The following IL1RAPL1 variants were observed in gnomAD, a reference collection of about 807,000 sequenced individuals.
The protein encoded by IL1RAPL1 is interleukin 1 receptor accessory protein like 1, also known as interleukin-1 receptor accessory protein-like 1.
IL1RAPL1 carries 3 observed loss-of-function variants against 48.4 expected under a neutral mutation model. The observed-to-expected ratio is 0.06, with a 90% confidence interval of 0.03 to 0.16. The LOEUF (loss-of-function observed/expected upper bound fraction) is 0.16. Ranked by LOEUF, IL1RAPL1 falls within the 10% of genes least tolerant of loss-of-function variation. IL1RAPL1 has a pLI of 1.00. For synonymous variants in IL1RAPL1, 185 were observed against 187.7 expected, an observed-to-expected ratio of 0.99 and a Z score of 0.12; for missense variants, 349 against 530.6, an observed-to-expected ratio of 0.66 and a Z score of 3.36.
intron 6 of IL1RAPL1, among the ~76,000 whole-genome samples, chrX:29,806,734 T>G (rs1930264804): frequency 9.0e-6 from 1 of 111,682 alleles, no homozygotes. Flanking sequence ...TATATATCTA[T>G]TAGCCATTTA....
chrX:29,702,613 A>G (rs1270005363), intron 6 of IL1RAPL1, among the ~76,000 whole-genome samples: 1 of 111,738 alleles, frequency 8.9e-6, no homozygotes, highest in Non-Finnish European at 1.9e-5. Context: ...TTGACTGACA[A>G]TTGAAATGTT....
At chrX:29,185,675 C>T (rs888106750) in intron 2 of IL1RAPL1, among the ~76,000 whole-genome samples, 5 of 111,817 alleles carry the variant, frequency 4.5e-5, no homozygotes, top group Non-Finnish European at 9.4e-5. Flanking sequence ...AATTAAACTA[C>T]AAACCTGGAT....
chrX:29,644,567 T>C (rs974509788), intron 5 of IL1RAPL1, among the ~76,000 whole-genome samples: 2 of 111,112 alleles, frequency 1.8e-5, no homozygotes, highest in African/African-American at 6.6e-5. Flanking sequence ...TGTTTTGTTT[T>C]CTTTTGTTTT....
chrX:29,766,425 A>G (rs758859034), intron 6 of IL1RAPL1, among the ~76,000 whole-genome samples: 11 of 94,861 alleles, frequency 1.2e-4, no homozygotes, highest in African/African-American at 4.4e-4. Context: ...ATATTTATAT[A>G]TCCAAATATA....
rs751196148 is a variant in IL1RAPL1 at position 29,154,700 on chromosome X, C to T, written c.83-128238C>T. On this transcript the variant is annotated intron_variant, in intron 2 of 10. Coordinates refer to ENST00000378993, the MANE Select transcript of IL1RAPL1 (RefSeq NM_014271.4). Reference sequence around the variant, plus strand: ...TATGTGATTGTAAAATGATTAAGCCCGATTTTTCAACCAAAGAGATTATGA... The same window carrying T: ...TATGTGATTGTAAAATGATTAAGCCTGATTTTTCAACCAAAGAGATTATGA... Among the ~76,000 whole-genome samples the T allele has an allele frequency of 7.2e-5, 8 of 111,243 alleles. No individual in the cohort carries two copies. In the South Asian group the frequency reaches 2.6e-3, roughly 37 times the overall value.
intron 6 of IL1RAPL1, among the ~76,000 whole-genome samples, chrX:29,673,048 G>GAAATT (rs988225870): frequency 8.1e-5 from 9 of 111,717 alleles, no homozygotes; most frequent in Non-Finnish European, 1.5e-4. Flanking sequence ...TGTCACACTA[G>GAAATT]AAATTAATTA....
intron 2 of IL1RAPL1, among the ~76,000 whole-genome samples, chrX:28,928,177 C>CT (rs1923795636): frequency 1.8e-5 from 2 of 111,199 alleles, no homozygotes; most frequent in Non-Finnish European, 3.8e-5. Context: ...TTTATAAATG[C>CT]TTTTATAAAC....
chrX:29,498,767 T>A (rs1935241792), intron 5 of IL1RAPL1, among the ~76,000 whole-genome samples: 1 of 111,863 alleles, frequency 8.9e-6, no homozygotes, highest in East Asian at 2.8e-4. Flanking sequence ...TATTGTTTTT[T>A]GTATGTTGTA....
chrX:28,682,778 T>C (rs1373176900), intron 1 of IL1RAPL1, among the ~76,000 whole-genome samples: 2 of 112,435 alleles, frequency 1.8e-5, no homozygotes, highest in African/African-American at 6.5e-5. Flanking sequence ...ACTTTGATGT[T>C]TAGAAATCTA....
chrX:29,366,540 T>G (rs1176470954), intron 3 of IL1RAPL1, among the ~76,000 whole-genome samples: 5 of 105,511 alleles, frequency 4.7e-5, no homozygotes, highest in African/African-American at 1.4e-4. Context: ...TTTCTGATAT[T>G]TTTGATAGGT....
intron 2 of IL1RAPL1, among the ~76,000 whole-genome samples, chrX:29,256,190 G>A (rs1196010847): frequency 9.0e-6 from 1 of 111,037 alleles, no homozygotes; most frequent in East Asian, 2.8e-4. Context: ...GTTTTGATTT[G>A]CATCTGTCTG....
intron 2 of IL1RAPL1, among the ~76,000 whole-genome samples, chrX:28,792,830 TATATATATATATATATATATAA>T (rs1341356858): frequency 1.1e-4 from 6 of 56,782 alleles, no homozygotes; most frequent in East Asian, 1.1e-3. Flanking sequence ...TATATATATA[TATATATATATATATATATATAA>T]AAAATAAGGC....
At chrX:28,613,793 G>T (rs1934181580) in intron 1 of IL1RAPL1, among the ~76,000 whole-genome samples, 1 of 112,091 alleles carries the variant, frequency 8.9e-6, no homozygotes, top group African/African-American at 3.2e-5. Flanking sequence ...TTTTATCATT[G>T]CCATACTTTA....
chrX:28,955,658 T>C (rs926867363), intron 2 of IL1RAPL1, among the ~76,000 whole-genome samples: 6 of 108,290 alleles, frequency 5.5e-5, no homozygotes, highest in Middle Eastern at 4.6e-3. Flanking sequence ...TTGGTACCAG[T>C]AACATGCTGT....
chrX:29,237,122 T>G (rs1431582035), intron 2 of IL1RAPL1, among the ~76,000 whole-genome samples: 1 of 111,324 alleles, frequency 9.0e-6, no homozygotes, highest in Non-Finnish European at 1.9e-5. Context: ...TATATCTGCA[T>G]GATGGGTTGT....
At chrX:29,912,522 T>C (rs2147234393) in intron 6 of IL1RAPL1, among the ~76,000 whole-genome samples, 1 of 111,754 alleles carries the variant, frequency 8.9e-6, no homozygotes, top group East Asian at 2.8e-4. Flanking sequence ...GACTATATTA[T>C]GATAAAACAG....
intron 3 of IL1RAPL1, among the ~76,000 whole-genome samples, chrX:29,320,526 G>A (rs1161359726): frequency 1.8e-5 from 2 of 112,089 alleles, no homozygotes; most frequent in African/African-American, 3.2e-5. Flanking sequence ...TGTAATCCCA[G>A]CGATTTGGGA....
chrX:29,768,505 C>A (rs771162021), intron 6 of IL1RAPL1, among the ~76,000 whole-genome samples: 14 of 111,448 alleles, frequency 1.3e-4, no homozygotes, highest in Non-Finnish European at 2.3e-4. Flanking sequence ...CAATGCCCGC[C>A]AGGCCATTGT....
At chrX:29,823,180 A>C (rs1419277048) in intron 6 of IL1RAPL1, among the ~76,000 whole-genome samples, 1 of 111,658 alleles carries the variant, frequency 9.0e-6, no homozygotes, top group Non-Finnish European at 1.9e-5. Context: ...CTGAAGATTA[A>C]TCTAGCCGCA....
Sources: gnomAD v4.1 joint callset for allele counts (sites outside exome capture counted in the v4.1 genomes callset) on GRCh38, gnomAD v4.1.1 for gene constraint, MANE v1.5 for transcripts, NCBI Gene and HGNC (gene_info 2026-07-23, HGNC 2026-07-21) for gene names.